USP33: variants seen among roughly 807,000 people sequenced by gnomAD.
USP33 encodes the protein ubiquitin carboxyl-terminal hydrolase 33.
USP33 carries 46 observed loss-of-function variants against 124.2 expected under a neutral mutation model. The ratio of observed to expected loss-of-function variants is 0.37; its 90% CI spans 0.29 to 0.47. USP33 has a LOEUF of 0.47. Among genes scored for constraint, USP33 ranks in the 20% least tolerant of loss-of-function variants. The pLI is 0.99. For synonymous variants in USP33, 350 were observed against 352.3 expected (o/e 0.99, Z 0.07); for missense variants, 851 against 1,070.6 (o/e 0.79, Z 2.86).
rs745930187 is a variant in USP33, at chr1:77,715,876, T to C, written c.1919-8A>G. On this transcript the variant is annotated splice_polypyrimidine_tract_variant and splice_region_variant and intron_variant, in intron 17 of 23. Coordinates refer to ENST00000370794, the MANE Select transcript of USP33 (RefSeq NM_201624.3). ...AGGCTATATAGTGTCCACCTGAATT[T>C]GAGGGAAAAGAAATCATTACAGTAA... 9 of 1,608,458 alleles carry C rather than the reference T, an allele frequency of 5.6e-6. No individual in the cohort carries two copies. In the Admixed American group the frequency reaches 1.0e-4, roughly 18 times the overall value.
In USP33 at chr1:77,717,306, G is replaced by A. The variant is rs1165973917; in HGVS notation, c.1918+561C>T. 5.3e-5 allele frequency among the ~76,000 whole-genome samples: 8 copies of A among 152,096 alleles called. No individual in the cohort carries two copies. The East Asian group carries it at 7.8e-4, about 15-fold the overall frequency. On this transcript the variant is annotated intron_variant, in intron 17 of 23. Coordinates refer to ENST00000370794, the MANE Select transcript of USP33 (RefSeq NM_201624.3). ...AGATCGAGACCATCCTGGCTAACAC[G>A]GTGAAACCCCGTCTCCACTAAAAAT... is the stretch of plus-strand genomic sequence containing the variant.
intron 20 of USP33, among the ~76,000 whole-genome samples, chr1:77,712,079 C>T (rs966423623): frequency 6.6e-6 from 1 of 152,160 alleles, no homozygotes; most frequent in African/African-American, 2.4e-5. Context: ...TCCCTTATTT[C>T]TGCTCCAAAA....
chr1:77,728,688 A>C lies in USP33; in HGVS notation c.742T>G (p.Leu248Val), dbSNP rs1429958744. The change falls in exon 10 of 24, where the codon TTA (leucine) becomes GTA (valine). Residue 248 changes from leucine to valine, a missense_variant. This residue lies in a region of USP33 where 221 missense variants were observed against 302.9 expected (regional missense o/e 0.73). Coordinates refer to ENST00000370794, the MANE Select transcript of USP33 (RefSeq NM_201624.3). ...QQDAQEFLRC[L>V]MDLLHEELKE... ...AATTCTTCATGAAGCAAATCCATTA[A>C]ACATCGAAGGAATTCTTGAGCATCC... The C allele has an allele frequency of 1.2e-6, 2 of 1,613,142 alleles. No individual in the cohort carries two copies. Among genetic ancestry groups the C allele is most frequent in the South Asian group, 1.1e-5 (1 of 90,886 alleles).
At chr1:77,697,678 A>T in intron 23 of USP33, 185 bp downstream of exon 23, 1 of 891,624 alleles carries the variant, frequency 1.1e-6, no homozygotes, top group Non-Finnish European at 1.7e-6. Flanking sequence ...CTTTGCTCTT[A>T]ACAACAGCCT....
intron 21 of USP33, among the ~76,000 whole-genome samples, chr1:77,710,476 A>T (rs1180651371): frequency 1.3e-5 from 2 of 152,234 alleles, no homozygotes; most frequent in African/African-American, 4.8e-5. Context: ...TTAAGCATTG[A>T]TGGAAAAAAC....
chr1:77,739,055 G>C (rs1269071977), intron 5 of USP33, among the ~76,000 whole-genome samples: 1 of 151,928 alleles, frequency 6.6e-6, no homozygotes, highest in African/African-American at 2.4e-5. Context: ...TCTTCAAACA[G>C]GTGGGCTTCA....
chr1:77,759,418 C>A (rs1016381948), intron 1 of USP33: 5 of 394,650 alleles, frequency 1.3e-5, no homozygotes, highest in African/African-American at 2.1e-5. Context: ...TCCCATCCTC[C>A]ACCGACCGTT....
chr1:77,741,430 C>A lies in USP33; in HGVS notation c.82-1G>T. The A allele has an allele frequency of 6.2e-7, 1 of 1,607,468 alleles. No individual in the cohort carries two copies. The highest frequency in any genetic ancestry group is 8.5e-7 in the Non-Finnish European group (1 of 1,178,312). On this transcript the variant is annotated splice_acceptor_variant, in intron 2 of 23. Transcript: ENST00000370794. LOFTEE classifies it high-confidence loss of function. ...GGACTTTACAATCCTGACAAGTACCCTATAAAAAGAAATTAAAAAGACAAC... is the reference window on the plus strand; with the variant it reads ...GGACTTTACAATCCTGACAAGTACCATATAAAAAGAAATTAAAAAGACAAC...
chr1:77,726,343 T>C (rs1401521791), intron 10 of USP33, among the ~76,000 whole-genome samples: 4 of 148,944 alleles, frequency 2.7e-5, no homozygotes, highest in South Asian at 4.2e-4. Flanking sequence ...TGTCCAAATA[T>C]AGCATTAAAA....
intron 9 of USP33, 105 bp downstream of exon 9, chr1:77,729,746 AAAGAAAGAC>A: frequency 1.1e-6 from 1 of 921,456 alleles, no homozygotes; most frequent in South Asian, 1.6e-5. Context: ...ATTCTTGGCA[AAAGAAAGAC>A]ACAAGGAGTG....
intron 21 of USP33, among the ~76,000 whole-genome samples, chr1:77,702,167 A>AC (rs1557809826): frequency 1.7e-4 from 21 of 125,576 alleles, no homozygotes; most frequent in African/African-American, 5.3e-4. Context: ...AAAAAAAAAA[A>AC]AAAAAAAAAA....
At chr1:77,705,104 C>G (rs1239540872) in intron 21 of USP33, among the ~76,000 whole-genome samples, 1 of 93,112 alleles carries the variant, frequency 1.1e-5, no homozygotes, top group Non-Finnish European at 2.0e-5. Flanking sequence ...TCTGTTAACA[C>G]AAATGCTTTG....
intron 1 of USP33, among the ~76,000 whole-genome samples, chr1:77,747,324 A>G (rs1679846407): frequency 6.8e-6 from 1 of 146,772 alleles, no homozygotes; most frequent in Admixed American, 7.0e-5. Context: ...GCATGATCAT[A>G]GCTCACTGCA....
chr1:77,711,532 C>T (rs1570749589), intron 21 of USP33: 11 of 175,618 alleles, frequency 6.3e-5, no homozygotes, highest in Non-Finnish European at 9.3e-5. Context: ...GTCTCATACA[C>T]ACACACACAC....
chr1:77,711,528 TACACACAC>T lies in USP33; in HGVS notation c.2406+211_2406+218del, dbSNP rs66475824. ...GGCGACAGAGCAAGATTTTGTCTCA[TACACACAC>T]ACACACACACACACACACACACACA... is the stretch of plus-strand genomic sequence containing the variant. On this transcript the variant is annotated intron_variant, in intron 21 of 23. Coordinates refer to ENST00000370794, the MANE Select transcript of USP33 (RefSeq NM_201624.3). 566 of 351,816 alleles carry T rather than the reference TACACACAC, an allele frequency of 1.6e-3. 1 individual carries two copies. Among genetic ancestry groups the T allele is most frequent in the African/African-American group, 5.8e-3 (263 of 45,254 alleles). The allele number at this position is 351,816 out of a possible 1,614,324, so 21.8% of individuals were successfully genotyped here. A position where few individuals can be genotyped will look rare whatever the true frequency, so the allele number is the denominator to read the frequency against.
rs183022408 is a variant in USP33 at position 77,704,599 on chromosome 1, T to C, written c.2407-3128A>G. Among the ~76,000 whole-genome samples the C allele has an allele frequency of 1.2e-4, 18 of 152,304 alleles. No homozygotes were observed. The East Asian group carries it at 3.1e-3, about 26-fold the overall frequency. ...TAAATGTAGTTCTCACTCTGTTCTC[T>C]TTTAAAAAATACATAATAGAAAAAC... On this transcript the variant is annotated intron_variant, in intron 21 of 23. Transcript: ENST00000370794.
At chr1:77,757,857 T>C (rs1374390072) in intron 1 of USP33, among the ~76,000 whole-genome samples, 1 of 152,218 alleles carries the variant, frequency 6.6e-6, no homozygotes, top group East Asian at 1.9e-4. Context: ...CTCAGAGGAC[T>C]GGCATGAGGA....
At chr1:77,729,462 G>C (rs1401552697) in intron 9 of USP33, among the ~76,000 whole-genome samples, 1 of 151,742 alleles carries the variant, frequency 6.6e-6, no homozygotes, top group Non-Finnish European at 1.5e-5. Context: ...CCTGAGGTCA[G>C]GAGTTCAAGT....
Position 77,698,484 on chromosome 1 carries a change from T to G in USP33, c.2510-553A>C, listed in dbSNP as rs560132928. 7.3e-5 allele frequency among the ~76,000 whole-genome samples: 11 copies of G among 151,126 alleles called. No individual in the cohort carries two copies. The South Asian group carries it at 2.3e-3, about 32-fold the overall frequency. ...GAGGCTCGTTCACAACCATCACAGT[T>G]TAACAGAAATGTTTTGTTTTTTTTT... On this transcript the variant is annotated intron_variant, in intron 22 of 23. Coordinates refer to ENST00000370794, the MANE Select transcript of USP33 (RefSeq NM_201624.3).
Sources: gnomAD v4.1 joint callset for allele counts (sites outside exome capture counted in the v4.1 genomes callset) on GRCh38, gnomAD v4.1.1 for gene constraint, gnomAD v4.1.1 regional missense constraint, MANE v1.5 for transcripts, NCBI Gene and HGNC (gene_info 2026-07-23, HGNC 2026-07-21) for gene names.